Variants in ZNF644 observed in about 807,000 individuals in gnomAD.
ZNF644 encodes zinc finger motif enhancer binding protein 2.
ZNF644 carries 20 observed loss-of-function variants against 108.0 expected under a neutral mutation model. That is an observed-to-expected ratio of 0.19 (90% CI 0.13 to 0.27). The LOEUF (loss-of-function observed/expected upper bound fraction) is 0.27. ZNF644 is among the 10% of genes least tolerant of loss of function. The probability of loss-of-function intolerance (pLI) is 1.00; values close to 1 mark genes in which losing one functional copy is unlikely to be tolerated. For synonymous variants in ZNF644, 542 were observed against 539.1 expected, an observed-to-expected ratio of 1.01 and a Z score of -0.08; for missense variants, 1,338 against 1,548.9, an observed-to-expected ratio of 0.86 and a Z score of 2.29.
At chr1:90,986,696 A>C (rs959120781) in intron 1 of ZNF644, among the ~76,000 whole-genome samples, 2 of 152,060 alleles carry the variant, frequency 1.3e-5, no homozygotes, top group African/African-American at 4.8e-5. Context: ...CATATTTTAG[A>C]AAACTAAACA....
Position 90,992,125 on chromosome 1 carries a change from A to C in ZNF644, c.-17-9755T>G, listed in dbSNP as rs568678871. On this transcript the variant is annotated intron_variant, in intron 1 of 5. Transcript: ENST00000337393. The stretch of plus-strand genomic sequence containing the variant: ...GCACCTTATAAATGACCTAAAGCAG[A>C]TCATTCACTGTCTGGGCAAACAGGA... Among the ~76,000 whole-genome samples the C allele has an allele frequency of 1.0e-3, 154 of 152,338 alleles. 1 individual carries two copies. The highest frequency in any genetic ancestry group is 3.6e-3 in the African/African-American group (151 of 41,580).
intron 2 of ZNF644, among the ~76,000 whole-genome samples, chr1:90,976,584 A>G (rs574886001): frequency 3.9e-4 from 60 of 152,342 alleles, no homozygotes; most frequent in African/African-American, 1.4e-3. Context: ...AGGTTTAAAA[A>G]CATTTCAGAT....
intron 1 of ZNF644, among the ~76,000 whole-genome samples, chr1:91,014,291 C>T (rs1326899387): frequency 2.0e-5 from 3 of 151,970 alleles, no homozygotes; most frequent in Non-Finnish European, 2.9e-5. Context: ...TGTCATCTTC[C>T]CGATGAGTGC....
chr1:90,989,921 C>T (rs577338173), intron 1 of ZNF644, among the ~76,000 whole-genome samples: 27 of 152,298 alleles, frequency 1.8e-4, no homozygotes, highest in East Asian at 5.8e-4. Flanking sequence ...ACCCACTGTC[C>T]ACCAATGTAT....
At chr1:91,002,625 A>G (rs1163617050) in intron 1 of ZNF644, among the ~76,000 whole-genome samples, 1 of 152,206 alleles carries the variant, frequency 6.6e-6, no homozygotes, top group Admixed American at 6.5e-5. Flanking sequence ...ATGGGTAAAG[A>G]CTTCATGTCT....
intron 1 of ZNF644, among the ~76,000 whole-genome samples, chr1:90,988,604 G>T (rs933671910): frequency 6.6e-6 from 1 of 152,120 alleles, no homozygotes. Flanking sequence ...GAACAACAAA[G>T]TTGGAGGCCT....
At chr1:90,918,848 AAAAT>A (rs1384770342) in intron 4 of ZNF644, among the ~76,000 whole-genome samples, 15 of 152,160 alleles carry the variant, frequency 9.9e-5, no homozygotes, top group South Asian at 2.1e-4. Flanking sequence ...ATTTTACTAG[AAAAT>A]AAATATAAAT....
At chr1:91,014,067 T>G (rs1210905222) in intron 1 of ZNF644, among the ~76,000 whole-genome samples, 1 of 152,204 alleles carries the variant, frequency 6.6e-6, no homozygotes, top group East Asian at 1.9e-4. Flanking sequence ...CTTCTTAAAC[T>G]GATAAATACA....
At chr1:90,978,352 TAAAA>T (rs59090395) in intron 2 of ZNF644, among the ~76,000 whole-genome samples, 1 of 133,832 alleles carries the variant, frequency 7.5e-6, no homozygotes, top group Non-Finnish European at 1.6e-5. Flanking sequence ...AACTTTGTCT[TAAAA>T]AAAAAAAAAA....
At chr1:90,924,607 C>CA (rs1649808074) in intron 4 of ZNF644, among the ~76,000 whole-genome samples, 1 of 152,038 alleles carries the variant, frequency 6.6e-6, no homozygotes, top group Admixed American at 6.6e-5. Context: ...AGATAGGACT[C>CA]ACAACAATAT....
At position 90,940,553 on chromosome 1, in the gene ZNF644, T is replaced by C. The variant is rs151134630; in HGVS notation, c.801A>G (p.Gln267=). The C allele has an allele frequency of 2.8e-3, 4,532 of 1,613,980 alleles. 13 individuals are homozygous for C. Among genetic ancestry groups the C allele is most frequent in the Non-Finnish European group, 3.4e-3 (4,002 of 1,179,962 alleles). ...TNWDPQKEFI[Q]FLMTNEETVD... ...CTGTTTCCTCATTAGTCATAAGAAA[T>C]TGAATGAACTCTTTTTGGGGATCCC... Residue 267 remains glutamine, a synonymous_variant, in exon 3 of 6, where the codon CAA becomes CAG. Coordinates refer to ENST00000337393, the MANE Select transcript of ZNF644 (RefSeq NM_201269.3).
chr1:90,963,223 C>T (rs779498326), intron 2 of ZNF644, among the ~76,000 whole-genome samples: 3 of 151,908 alleles, frequency 2.0e-5, no homozygotes, highest in Admixed American at 6.6e-5. Context: ...GGAGAAGAGA[C>T]GTTGCAAAAA....
intron 2 of ZNF644, among the ~76,000 whole-genome samples, chr1:90,971,014 A>AC (rs1282518597): frequency 5.3e-5 from 8 of 151,606 alleles, no homozygotes; most frequent in Non-Finnish European, 8.8e-5. Flanking sequence ...AAAAAAAAAA[A>AC]AAAACACTAT....
chr1:90,940,610 T>C lies in ZNF644; in HGVS notation c.744A>G (p.Thr248=). 6.2e-7 allele frequency: 1 copy of C among 1,614,058 alleles called. No individual in the cohort carries two copies. The highest frequency in any genetic ancestry group is 8.5e-7 in the Non-Finnish European group (1 of 1,179,972). ...VNTVTGISSG[T]DGFRSENDTN... ...TATCATTTTCTGACCTAAATCCATC[T>C]GTACCTGAGGAAATTCCCGTTACTG... Residue 248 remains threonine, a synonymous_variant, in exon 3 of 6, where the codon ACA becomes ACG. Coordinates refer to ENST00000337393, the MANE Select transcript of ZNF644 (RefSeq NM_201269.3).
intron 4 of ZNF644, among the ~76,000 whole-genome samples, chr1:90,920,100 T>C (rs768565994): frequency 5.9e-5 from 9 of 152,014 alleles, no homozygotes; most frequent in Non-Finnish European, 1.2e-4. Context: ...ACACTAGAAA[T>C]AGAGTTCAGG....
intron 2 of ZNF644, among the ~76,000 whole-genome samples, chr1:90,943,622 G>A (rs780402207): frequency 1.1e-4 from 16 of 151,648 alleles, no homozygotes; most frequent in African/African-American, 3.4e-4. Flanking sequence ...TCCACCCCTC[G>A]TAGGTTTTAG....
chr1:90,983,640 G>A (rs575060226), intron 1 of ZNF644, among the ~76,000 whole-genome samples: 14 of 151,968 alleles, frequency 9.2e-5, no homozygotes, highest in South Asian at 6.2e-4. Flanking sequence ...GAAGACAAGC[G>A]GAGAGGCCGG....
At chr1:90,969,645 A>G (rs2101258759) in intron 2 of ZNF644, among the ~76,000 whole-genome samples, 1 of 152,276 alleles carries the variant, frequency 6.6e-6, no homozygotes, top group South Asian at 2.1e-4. Context: ...TCTATTAGCC[A>G]TCTTAGTTAT....
chr1:90,995,717 A>T (rs1406970029), intron 1 of ZNF644, among the ~76,000 whole-genome samples: 1 of 152,238 alleles, frequency 6.6e-6, no homozygotes, highest in Non-Finnish European at 1.5e-5. Flanking sequence ...TACTGAAACA[A>T]CATCTTCTAT....
Sources: allele counts gnomAD v4.1 joint callset (sites outside exome capture counted in the v4.1 genomes callset), GRCh38; gene constraint gnomAD v4.1.1; transcripts MANE v1.5; gene names NCBI Gene and HGNC (gene_info 2026-07-23, HGNC 2026-07-21).